GALNTL5: variants seen among roughly 807,000 people sequenced by gnomAD.
GALNTL5 encodes the protein polypeptide N-acetylgalactosaminyltransferase like 5.
GALNTL5 carries 44 observed loss-of-function variants against 51.0 expected under a neutral mutation model. That is an observed-to-expected ratio of 0.86 (90% CI 0.68 to 1.11). The LOEUF (loss-of-function observed/expected upper bound fraction) is 1.11, where lower values mean the gene tolerates loss of function less well. Ranked by LOEUF, GALNTL5 falls within the 50% of genes least tolerant of loss-of-function variation. GALNTL5 has a pLI of 0.00. For synonymous variants in GALNTL5, 192 were observed against 182.8 expected (o/e 1.05, Z -0.41); for missense variants, 528 against 531.8 (o/e 0.99, Z 0.07).
At chr7:151,974,588 C>A (rs1037954447) in intron 3 of GALNTL5, among the ~76,000 whole-genome samples, 6 of 152,160 alleles carry the variant, frequency 3.9e-5, no homozygotes, top group Non-Finnish European at 8.8e-5. Context: ...TACATGATGA[C>A]ACAATGTATC....
chr7:151,992,184 G>A (rs537791690), intron 5 of GALNTL5, among the ~76,000 whole-genome samples: 157 of 150,182 alleles, frequency 1.0e-3, no homozygotes, highest in Admixed American at 1.6e-3. Context: ...TCTATCACCT[G>A]AAGGTAATTT....
At chr7:152,003,001 G>A (rs747687123) in intron 6 of GALNTL5, 38 bp downstream of exon 6, 37 of 1,582,126 alleles carry the variant, frequency 2.3e-5, no homozygotes, top group East Asian at 1.8e-4. Flanking sequence ...TATAGCATAC[G>A]TGTATTGAGA....
rs187104903 is a variant in GALNTL5, at chr7:151,981,893, C to T, written c.369-1093C>T. 3.1e-3 allele frequency among the ~76,000 whole-genome samples: 475 copies of T among 151,212 alleles called. 4 individuals are homozygous for T. Among genetic ancestry groups the T allele is most frequent in the African/African-American group, 0.011 (443 of 41,364 alleles). On this transcript the variant is annotated intron_variant, in intron 3 of 8. Coordinates refer to ENST00000392800, the MANE Select transcript of GALNTL5 (RefSeq NM_145292.4). ...GAACTCCTGACCTCATGTGATTCAC[C>T]CACCTCAGCCTCCCAAAGTGCCAGG...
At chr7:151,971,394 C>T (rs2081139874) in intron 3 of GALNTL5, among the ~76,000 whole-genome samples, 1 of 152,140 alleles carries the variant, frequency 6.6e-6, no homozygotes, top group Admixed American at 6.5e-5. Flanking sequence ...ATAGAAAATG[C>T]TCTGGACAGC....
intron 4 of GALNTL5, 50 bp from the exon 5 acceptor site, chr7:151,987,109 A>G: frequency 6.8e-7 from 1 of 1,479,418 alleles, no homozygotes; most frequent in African/African-American, 1.4e-5. Context: ...CACTGTTTCA[A>G]TTTCTATAGT....
At chr7:152,011,704 A>G (rs1466166093) in intron 7 of GALNTL5, among the ~76,000 whole-genome samples, 1 of 152,228 alleles carries the variant, frequency 6.6e-6, no homozygotes. Context: ...GCAAATTCTC[A>G]AACACCTGCA....
At chr7:152,000,258 G>A (rs2081554795) in intron 5 of GALNTL5, among the ~76,000 whole-genome samples, 1 of 152,222 alleles carries the variant, frequency 6.6e-6, no homozygotes, top group Admixed American at 6.5e-5. Flanking sequence ...TGTCCGGTAG[G>A]ACTATCTAGA....
At chr7:151,990,155 G>A (rs2081409194) in intron 5 of GALNTL5, among the ~76,000 whole-genome samples, 1 of 151,860 alleles carries the variant, frequency 6.6e-6, no homozygotes, top group African/African-American at 2.4e-5. Flanking sequence ...TGATTTTTGT[G>A]CCTCAGCCTC....
intron 1 of GALNTL5, among the ~76,000 whole-genome samples, chr7:151,958,266 G>C (rs1380783654): frequency 1.3e-5 from 2 of 152,210 alleles, no homozygotes; most frequent in East Asian, 3.8e-4. Flanking sequence ...TACCGACCTA[G>C]ATTCTGCACA....
intron 7 of GALNTL5, among the ~76,000 whole-genome samples, chr7:152,012,687 C>T (rs892256786): frequency 7.9e-5 from 12 of 152,182 alleles, no homozygotes; most frequent in African/African-American, 1.7e-4. Context: ...CGGACTGGGG[C>T]CAGGCATGGT....
At chr7:151,981,590 CCTCCTTCCTTCCTTCCCT>C (rs2081290027) in intron 3 of GALNTL5, among the ~76,000 whole-genome samples, 1 of 39,674 alleles carries the variant, frequency 2.5e-5, no homozygotes, top group Non-Finnish European at 4.4e-5. Context: ...TCCTTCCTTC[CCTCCTTCCTTCCTTCCCT>C]CCTTCCTTCC....
chr7:152,006,351 C>T (rs927070746), intron 6 of GALNTL5, among the ~76,000 whole-genome samples: 6 of 152,164 alleles, frequency 3.9e-5, no homozygotes, highest in East Asian at 1.9e-4. Context: ...GGCTTTAATA[C>T]GAAAGAGAGA....
chr7:151,996,895 G>T (rs116379799), intron 5 of GALNTL5, among the ~76,000 whole-genome samples: 1 of 151,966 alleles, frequency 6.6e-6, no homozygotes, highest in Admixed American at 6.6e-5. Flanking sequence ...TATATAATGA[G>T]TTACGTTTAA....
intron 6 of GALNTL5, among the ~76,000 whole-genome samples, chr7:152,007,375 A>G (rs1241124426): frequency 6.6e-6 from 1 of 151,232 alleles, no homozygotes; most frequent in Non-Finnish European, 1.5e-5. Context: ...TTATATACTT[A>G]AATGTATAAT....
At chr7:152,019,467 T>C (rs1390332465) in intron 8 of GALNTL5, among the ~76,000 whole-genome samples, 179 bp from the exon 9 acceptor site, 1 of 152,166 alleles carries the variant, frequency 6.6e-6, no homozygotes, top group African/African-American at 2.4e-5. Context: ...GCAGGGTGGG[T>C]AAATCCGAGG....
rs1563030421 is a variant in GALNTL5, at chr7:152,019,720, G to T, written c.1251G>T (p.Arg417Ser). ...YGNIRERVELRKRLGCKSFQW... is the reference protein window; with the variant it reads ...YGNIRERVELSKRLGCKSFQW... ...ATATTCGCGAGCGTGTTGAGTTAAGGAAACGACTGGGTTGCAAGTCATTTC... is the reference window on the plus strand; with the variant it reads ...ATATTCGCGAGCGTGTTGAGTTAAGTAAACGACTGGGTTGCAAGTCATTTC... Residue 417 changes from arginine (R) to serine (S), a missense_variant, in exon 9 of 9, where the codon AGG becomes AGT. Arg to Ser is a moderately radical substitution (Grantham distance 110). Transcript: ENST00000392800. The T allele has an allele frequency of 6.3e-7, 1 of 1,593,506 alleles. No individual in the cohort carries two copies. Among genetic ancestry groups the T allele is most frequent in the South Asian group, 1.1e-5 (1 of 90,830 alleles).
At chr7:152,000,265 T>G (rs540338357) in intron 5 of GALNTL5, among the ~76,000 whole-genome samples, 1 of 152,310 alleles carries the variant, frequency 6.6e-6, no homozygotes, top group South Asian at 2.1e-4. Context: ...TAGGACTATC[T>G]AGAAGAATGG....
rs1174455758 is a variant in GALNTL5, at chr7:151,971,115, A to G, written c.368+50A>G. The G allele has an allele frequency of 2.4e-6, 3 of 1,252,762 alleles. No individual in the cohort carries two copies. In the East Asian group the frequency reaches 7.4e-5, roughly 31 times the overall value. The allele number at this position is 1,252,762 out of a possible 1,614,324, so 77.6% of individuals were successfully genotyped here. ...ATTCTCTAGATAGATAGATAGATAG[A>G]TAGATAGATAGATAGATAGATAGAA... On this transcript the variant is annotated intron_variant, in intron 3 of 8. Transcript: ENST00000392800.
At chr7:152,017,925 A>G (rs2081840239) in intron 8 of GALNTL5, among the ~76,000 whole-genome samples, 1 of 151,894 alleles carries the variant, frequency 6.6e-6, no homozygotes, top group African/African-American at 2.4e-5. Context: ...GGCTCACTGC[A>G]ACCTCCACCT....
Sources: gnomAD v4.1 joint callset for allele counts (sites outside exome capture counted in the v4.1 genomes callset) on GRCh38, gnomAD v4.1.1 for gene constraint, MANE v1.5 for transcripts, NCBI Gene and HGNC (gene_info 2026-07-23, HGNC 2026-07-21) for gene names.